GPC3: variants seen among roughly 807,000 people sequenced by gnomAD.
GPC3 encodes the protein glypican 3.
GPC3 carries 3 observed loss-of-function variants against 34.4 expected under a neutral mutation model. That is an observed-to-expected ratio of 0.09 (90% CI 0.04 to 0.23). GPC3 has a LOEUF of 0.23. Among genes scored for constraint, GPC3 ranks in the 10% least tolerant of loss-of-function variants. The pLI, the probability that GPC3 is intolerant of heterozygous loss-of-function variation, is 1.00. For missense variants in GPC3, 351 were observed against 445.6 expected (o/e 0.79, Z 1.91); for synonymous variants, 177 against 174.0 (o/e 1.02, Z -0.13).
At chrX:133,890,814 C>G (rs1432594820) in intron 2 of GPC3, among the ~76,000 whole-genome samples, 3 of 102,296 alleles carry the variant, frequency 2.9e-5, no homozygotes, top group African/African-American at 1.1e-4. Flanking sequence ...GAGCCGAGAT[C>G]ATCCCACTGC....
In GPC3 at chrX:133,919,655, CTG is replaced by C. The variant is rs758319125; in HGVS notation, c.337+33393_337+33394del. On this transcript the variant is annotated intron_variant, in intron 2 of 7. Coordinates refer to ENST00000370818, the MANE Select transcript of GPC3 (RefSeq NM_004484.4). ...TGGGTAACACAGGGAGATCCCATCTCTGTGAAAATTTAAAAAAAATATTAGCC... is the reference window on the plus strand; with the variant it reads ...TGGGTAACACAGGGAGATCCCATCTCTGAAAATTTAAAAAAAATATTAGCC... Among the ~76,000 whole-genome samples the C allele has an allele frequency of 7.3e-5, 8 of 109,647 alleles. No individual in the cohort carries two copies. The East Asian group carries it at 2.3e-3, about 32-fold the overall frequency.
intron 7 of GPC3, among the ~76,000 whole-genome samples, chrX:133,570,133 C>T (rs770189980): frequency 9.0e-6 from 1 of 111,121 alleles, no homozygotes; most frequent in South Asian, 3.9e-4. Context: ...CCTCGTGATC[C>T]ATCCGCCTTG....
chrX:133,641,477 GA>G (rs745818821), intron 6 of GPC3, among the ~76,000 whole-genome samples: 8 of 96,230 alleles, frequency 8.3e-5, no homozygotes, highest in African/African-American at 1.5e-4. Flanking sequence ...CTGTCTCAAA[GA>G]AAAAAAAAAC....
intron 2 of GPC3, among the ~76,000 whole-genome samples, chrX:133,903,065 C>G (rs180964984): frequency 9.2e-6 from 1 of 108,675 alleles, no homozygotes. Flanking sequence ...GCAGGAGAAT[C>G]GCTTGAACCT....
chrX:133,946,301 A>C lies in GPC3; in HGVS notation c.337+6749T>G, dbSNP rs140337397. On this transcript the variant is annotated intron_variant, in intron 2 of 7. Transcript: ENST00000370818. Reference sequence around the variant, plus strand: ...TATGGAGCTGTACTTCCTGCGTTCAATTCTTGTCTCTGCCATCTATTGGGT... The same window carrying C: ...TATGGAGCTGTACTTCCTGCGTTCACTTCTTGTCTCTGCCATCTATTGGGT... Among the ~76,000 whole-genome samples the C allele has an allele frequency of 5.0e-3, 562 of 111,773 alleles. 9 individuals carry two copies. The highest frequency in any genetic ancestry group is 0.016 in the African/African-American group (505 of 30,744).
chrX:133,635,725 C>T (rs1330367420), intron 6 of GPC3, among the ~76,000 whole-genome samples: 1 of 109,858 alleles, frequency 9.1e-6, no homozygotes, highest in Non-Finnish European at 1.9e-5. Context: ...GAAGTGAGAC[C>T]TTATGCAGAT....
chrX:133,731,566 C>T (rs911513243), intron 3 of GPC3, among the ~76,000 whole-genome samples: 1 of 110,165 alleles, frequency 9.1e-6, no homozygotes, highest in Non-Finnish European at 1.9e-5. Context: ...TTCTATTTTG[C>T]TGGTTTGTCT....
chrX:133,752,316 G>A (rs190391904), intron 3 of GPC3, among the ~76,000 whole-genome samples: 31 of 111,591 alleles, frequency 2.8e-4, no homozygotes, highest in African/African-American at 8.8e-4. Flanking sequence ...CTGAAAATAC[G>A]TACACATATT....
intron 2 of GPC3, among the ~76,000 whole-genome samples, chrX:133,906,541 A>C (rs2076168423): frequency 8.9e-6 from 1 of 111,977 alleles, no homozygotes; most frequent in African/African-American, 3.2e-5. Context: ...TATCTGAGCA[A>C]TATATAAATA....
At chrX:133,683,114 G>A (rs2070962476) in intron 5 of GPC3, among the ~76,000 whole-genome samples, 1 of 111,073 alleles carries the variant, frequency 9.0e-6, no homozygotes, top group Admixed American at 9.6e-5. Flanking sequence ...AACTGGTTGA[G>A]AATCAACAAC....
At chrX:133,572,466 TAA>T (rs2069642313) in intron 7 of GPC3, among the ~76,000 whole-genome samples, 1 of 109,310 alleles carries the variant, frequency 9.1e-6, no homozygotes, top group Non-Finnish European at 1.9e-5. Context: ...GGATTAGAGG[TAA>T]AGATAATAAA....
intron 7 of GPC3, among the ~76,000 whole-genome samples, chrX:133,585,100 A>C (rs1366741391): frequency 8.9e-6 from 1 of 111,733 alleles, no homozygotes; most frequent in African/African-American, 3.3e-5. Flanking sequence ...CCACACAAAA[A>C]CTTGCCAGTA....
At chrX:133,936,161 G>A (rs1235652248) in intron 2 of GPC3, among the ~76,000 whole-genome samples, 1 of 105,851 alleles carries the variant, frequency 9.4e-6, no homozygotes, top group Non-Finnish European at 1.9e-5. Flanking sequence ...CTGAGCTCAA[G>A]CAATCCACCT....
chrX:133,692,624 A>G (rs1603226584), intron 4 of GPC3, 130 bp from the exon 5 acceptor site: 1 of 564,047 alleles, frequency 1.8e-6, no homozygotes, highest in East Asian at 3.6e-5. Context: ...TTTTAAAGAC[A>G]TTCTTGGCTA....
intron 2 of GPC3, among the ~76,000 whole-genome samples, chrX:133,898,426 A>G (rs2076128940): frequency 8.9e-6 from 1 of 112,507 alleles, no homozygotes; most frequent in Admixed American, 9.5e-5. Context: ...AGTACTGTTT[A>G]GGAAAAACGG....
chrX:133,617,620 T>C (rs1195427760), intron 6 of GPC3, among the ~76,000 whole-genome samples: 7 of 112,231 alleles, frequency 6.2e-5, no homozygotes, highest in African/African-American at 1.3e-4. Context: ...CCAAATAGTA[T>C]CTTCCTAAGC....
At chrX:133,830,159 G>A (rs919406858) in intron 2 of GPC3, among the ~76,000 whole-genome samples, 2 of 111,629 alleles carry the variant, frequency 1.8e-5, no homozygotes, top group Non-Finnish European at 3.8e-5. Context: ...AGATTAGACA[G>A]CATGGTGTTG....
chrX:133,974,216 AT>A (rs1285603100), intron 1 of GPC3, among the ~76,000 whole-genome samples: 4 of 110,730 alleles, frequency 3.6e-5, no homozygotes, highest in African/African-American at 1.3e-4. Flanking sequence ...TGCCCAGCTA[AT>A]TTTTCTATTT....
intron 2 of GPC3, among the ~76,000 whole-genome samples, chrX:133,788,115 T>C (rs1055904249): frequency 6.6e-5 from 6 of 90,245 alleles, no homozygotes; most frequent in Admixed American, 2.4e-4. Flanking sequence ...TATATATATA[T>C]ATATATATGT....
Sources: gnomAD v4.1 joint callset for allele counts (sites outside exome capture counted in the v4.1 genomes callset) on GRCh38, gnomAD v4.1.1 for gene constraint, MANE v1.5 for transcripts, NCBI Gene and HGNC (gene_info 2026-07-23, HGNC 2026-07-21) for gene names.